CACNB4: variants seen among roughly 807,000 people sequenced by gnomAD.
CACNB4 encodes calcium voltage-gated channel auxiliary subunit beta 4.
In CACNB4, 32 loss-of-function variants were observed where a neutral mutation model predicts 71.2. The ratio of observed to expected loss-of-function variants is 0.45; its 90% CI spans 0.34 to 0.60. The LOEUF (loss-of-function observed/expected upper bound fraction) is 0.60, where lower values mean the gene tolerates loss of function less well. CACNB4 is among the 20% of genes least tolerant of loss of function. CACNB4 has a pLI of 0.01. For missense variants in CACNB4, 464 were observed against 647.9 expected (o/e 0.72, Z 3.08); for synonymous variants, 231 against 236.9 (o/e 0.97, Z 0.23).
intron 2 of CACNB4, among the ~76,000 whole-genome samples, chr2:151,997,063 G>A (rs1461715657): frequency 1.3e-5 from 2 of 152,206 alleles, no homozygotes; most frequent in African/African-American, 4.8e-5. Flanking sequence ...AATACACCCT[G>A]TAGTGAGCTG....
chr2:151,959,826 G>A (rs967757107), intron 2 of CACNB4, among the ~76,000 whole-genome samples: 13 of 152,090 alleles, frequency 8.5e-5, no homozygotes, highest in African/African-American at 3.1e-4. Flanking sequence ...TCTTAATAAA[G>A]TCCTGTTATA....
At chr2:151,976,605 T>C (rs978461727) in intron 2 of CACNB4, among the ~76,000 whole-genome samples, 4 of 152,134 alleles carry the variant, frequency 2.6e-5, no homozygotes, top group Non-Finnish European at 5.9e-5. Context: ...GCACCACACC[T>C]GTGAGTCACC....
chr2:151,861,505 C>T (rs2099841630), intron 9 of CACNB4: 1 of 152,082 alleles, frequency 6.6e-6, no homozygotes. Flanking sequence ...AGTATTGTGC[C>T]AGGATTTTCT....
At chr2:151,931,301 T>C (rs1467757063) in intron 2 of CACNB4, among the ~76,000 whole-genome samples, 1 of 152,232 alleles carries the variant, frequency 6.6e-6, no homozygotes, top group Non-Finnish European at 1.5e-5. Flanking sequence ...GGAAGCCTAT[T>C]ACTGATATTT....
At chr2:151,974,291 C>G (rs761177844) in intron 2 of CACNB4, among the ~76,000 whole-genome samples, 1 of 152,088 alleles carries the variant, frequency 6.6e-6, no homozygotes, top group Non-Finnish European at 1.5e-5. Context: ...TAAACAGATA[C>G]TAATCTCATC....
chr2:151,930,591 G>A (rs2099861392), intron 2 of CACNB4, among the ~76,000 whole-genome samples: 1 of 152,148 alleles, frequency 6.6e-6, no homozygotes, highest in African/African-American at 2.4e-5. Flanking sequence ...ATTAGTAGGG[G>A]ATTGGTGAAA....
chr2:151,934,666 G>A (rs1194088318), intron 2 of CACNB4, among the ~76,000 whole-genome samples: 3 of 151,992 alleles, frequency 2.0e-5, no homozygotes, highest in African/African-American at 4.8e-5. Flanking sequence ...GTGAAACCCC[G>A]TCTCTACTAA....
At chr2:151,991,648 C>G (rs925683602) in intron 2 of CACNB4, among the ~76,000 whole-genome samples, 4 of 152,164 alleles carry the variant, frequency 2.6e-5, no homozygotes, top group Non-Finnish European at 2.9e-5. Context: ...TGAATGTCTT[C>G]TTTTTCTTAA....
intron 12 of CACNB4, chr2:151,852,486 A>G (rs2099839324): frequency 6.6e-6 from 1 of 152,194 alleles, no homozygotes; most frequent in Admixed American, 6.5e-5. Flanking sequence ...TAATTATAAT[A>G]AGAAAACTTA....
At position 151,839,143 on chromosome 2, in the gene CACNB4, G is replaced by A; in HGVS notation, c.1539C>T (p.Ser513=). Residue 513 remains serine, a synonymous_variant, in exon 14 of 14, where the codon AGC becomes AGT. Coordinates refer to ENST00000539935, the MANE Select transcript of CACNB4 (RefSeq NM_000726.5). ...HRNRGSPGGY[S]HDSRHRL is the part of the protein sequence containing the mutation. Reference sequence around the variant, plus strand: ...CTCAAAGCCTATGTCGGGAGTCATGGCTATATCCCCCAGGTGATCCTCGGT... The same window carrying A: ...CTCAAAGCCTATGTCGGGAGTCATGACTATATCCCCCAGGTGATCCTCGGT... The A allele has an allele frequency of 6.2e-7, 1 of 1,612,998 alleles. No homozygotes were observed. Among genetic ancestry groups the A allele is most frequent in the South Asian group, 1.1e-5 (1 of 91,008 alleles).
At chr2:151,875,771 G>A (rs1306092505) in intron 5 of CACNB4, among the ~76,000 whole-genome samples, 8 of 115,524 alleles carry the variant, frequency 6.9e-5, no homozygotes, top group Admixed American at 3.8e-4. Flanking sequence ...CTCACCTCCC[G>A]GACGGGGCGG....
Position 151,864,783 on chromosome 2 carries a change from C to T in CACNB4, c.759-3963G>A, listed in dbSNP as rs147713248. Reference sequence around the variant, plus strand: ...GAGCAAATAAGGTTATATATAAAAGCGCATTCTTAAATAATTATTCATAGT... The same window carrying T: ...GAGCAAATAAGGTTATATATAAAAGTGCATTCTTAAATAATTATTCATAGT... On this transcript the variant is annotated intron_variant, in intron 9 of 13. Transcript: ENST00000539935. 6.0e-3 allele frequency among the ~76,000 whole-genome samples: 908 copies of T among 152,232 alleles called. 10 individuals carry two copies. The highest frequency in any genetic ancestry group is 0.021 in the African/African-American group (854 of 41,518).
At chr2:152,068,055 A>G (rs1009560685) in intron 2 of CACNB4, among the ~76,000 whole-genome samples, 2 of 152,124 alleles carry the variant, frequency 1.3e-5, no homozygotes, top group African/African-American at 4.8e-5. Context: ...CAGGCTCAGG[A>G]ACTAACTATA....
At chr2:152,032,567 T>C (rs1684343886) in intron 2 of CACNB4, among the ~76,000 whole-genome samples, 1 of 152,224 alleles carries the variant, frequency 6.6e-6, no homozygotes, top group Admixed American at 6.5e-5. Context: ...AATACAACTT[T>C]ATTTTTAATA....
intron 2 of CACNB4, among the ~76,000 whole-genome samples, chr2:151,891,066 A>T (rs1242256914): frequency 1.3e-5 from 2 of 152,208 alleles, no homozygotes; most frequent in African/African-American, 4.8e-5. Flanking sequence ...ATAATCTCAT[A>T]AATGGAATAC....
intron 2 of CACNB4, among the ~76,000 whole-genome samples, chr2:152,012,505 G>A (rs1051164534): frequency 1.3e-5 from 2 of 151,868 alleles, no homozygotes; most frequent in South Asian, 2.1e-4. Context: ...TCAGGAGGCT[G>A]AGGCTGGAGA....
At chr2:152,051,982 G>T (rs1202307252) in intron 2 of CACNB4, among the ~76,000 whole-genome samples, 1 of 152,132 alleles carries the variant, frequency 6.6e-6, no homozygotes, top group Non-Finnish European at 1.5e-5. Context: ...CTTGTATCTG[G>T]CTTCTTTCAG....
chr2:151,957,257 C>CGTGTATGTGTATGT (rs3068823), intron 2 of CACNB4, among the ~76,000 whole-genome samples: 1,476 of 131,826 alleles, frequency 0.011, 19 homozygotes, highest in Middle Eastern at 0.022. Context: ...AGTGGCTGGG[C>CGTGTATGTGTATGT]GTGTGTGTGT....
At chr2:152,066,928 G>C (rs1283319888) in intron 2 of CACNB4, among the ~76,000 whole-genome samples, 2 of 146,360 alleles carry the variant, frequency 1.4e-5, no homozygotes, top group African/African-American at 5.1e-5. Context: ...CTCACTCATA[G>C]GTGGGAATTG....
Sources: allele counts gnomAD v4.1 joint callset (sites outside exome capture counted in the v4.1 genomes callset), GRCh38; gene constraint gnomAD v4.1.1; transcripts MANE v1.5; gene names NCBI Gene and HGNC (gene_info 2026-07-23, HGNC 2026-07-21).